Variants in PRPF3 observed in about 807,000 individuals in gnomAD.
PRPF3 encodes the protein U4/U6 small nuclear ribonucleoprotein Prp3.
In PRPF3, 3 loss-of-function variants were observed where a neutral mutation model predicts 89.2. The observed-to-expected ratio is 0.03, with a 90% CI of 0.02 to 0.09. PRPF3 has a LOEUF of 0.09. Among genes scored for constraint, PRPF3 ranks in the 10% least tolerant of loss-of-function variants. The pLI, the probability that PRPF3 is intolerant of heterozygous loss-of-function variation, is 1.00. For synonymous variants in PRPF3, 270 were observed against 289.1 expected, an observed-to-expected ratio of 0.93 and a Z score of 0.67; for missense variants, 463 against 828.8, an observed-to-expected ratio of 0.56 and a Z score of 5.42.
chr1:150,344,310 A>C (rs1399005759), intron 11 of PRPF3, 49 bp downstream of exon 11: 7 of 1,613,718 alleles, frequency 4.3e-6, no homozygotes, highest in Non-Finnish European at 5.9e-6. Flanking sequence ...ACCTTTCCCA[A>C]ACTCTTCTGG....
rs145528866 is a variant in PRPF3 at position 150,332,758 on chromosome 1, T to C, written c.498T>C (p.Pro166=). 2 of 1,613,912 alleles carry C rather than the reference T, an allele frequency of 1.2e-6. No homozygotes were observed. The highest frequency in any genetic ancestry group is 1.7e-6 in the Non-Finnish European group (2 of 1,179,936). ...RKKQLSFISP[P]TPQPKTPSSS... ...AACAGCTGAGCTTCATTAGCCCCCC[T>C]ACACCTCAGGTATTGTGTCTAGATT... The change falls in exon 5 of 16, where the codon CCT becomes CCC. Residue 166 remains proline (P), a synonymous_variant. Transcript: ENST00000324862.
intron 4 of PRPF3, among the ~76,000 whole-genome samples, chr1:150,331,679 G>A (rs1656418073): frequency 6.6e-6 from 1 of 152,046 alleles, no homozygotes; most frequent in Non-Finnish European, 1.5e-5. Context: ...CGTAATTTTT[G>A]AATTTTGAAT....
chr1:150,347,818 C>G (rs1658448647), intron 14 of PRPF3, among the ~76,000 whole-genome samples: 1 of 152,126 alleles, frequency 6.6e-6, no homozygotes, highest in African/African-American at 2.4e-5. Flanking sequence ...CTTAGATTAG[C>G]CTACAGTTGG....
intron 10 of PRPF3, 23 bp from the exon 11 acceptor site, chr1:150,344,135 CTGAT>C (rs1658054262): frequency 7.6e-6 from 12 of 1,589,298 alleles, no homozygotes; most frequent in Non-Finnish European, 1.0e-5. Flanking sequence ...ACTTCAAAGA[CTGAT>C]TGTTGTCCTC....
At chr1:150,348,763 A>G in intron 14 of PRPF3, 2 of 258,394 alleles carry the variant, frequency 7.7e-6, no homozygotes, top group South Asian at 9.1e-5. Context: ...ACGCTGGCCG[A>G]TAATTTTGAT....
rs1323718880 is a variant in PRPF3, at chr1:150,326,581, C to A, written c.276+700C>A. On this transcript the variant is annotated intron_variant, in intron 3 of 15. Coordinates refer to ENST00000324862, the MANE Select transcript of PRPF3 (RefSeq NM_004698.4). ...AAAAAGTTCTGTGACTCCTATCAAA[C>A]CTTCCAAAGTTCTTCTGATACCTTG... Among the ~76,000 whole-genome samples the A allele has an allele frequency of 2.6e-5, 4 of 152,114 alleles. No homozygotes were observed. In the East Asian group the frequency reaches 7.7e-4, roughly 29 times the overall value.
intron 3 of PRPF3, among the ~76,000 whole-genome samples, chr1:150,326,922 G>A (rs1553863962): frequency 1.3e-5 from 2 of 152,004 alleles, no homozygotes; most frequent in African/African-American, 4.8e-5. Flanking sequence ...AATCTAAGTA[G>A]CAGTTTCATG....
At chr1:150,331,291 C>T (rs952551640) in intron 4 of PRPF3, among the ~76,000 whole-genome samples, 3 of 152,100 alleles carry the variant, frequency 2.0e-5, no homozygotes, top group Admixed American at 6.5e-5. Flanking sequence ...CCTGCCTCAG[C>T]CTCCCAAAGT....
chr1:150,334,567 C>T (rs1457947941), intron 6 of PRPF3, among the ~76,000 whole-genome samples: 1 of 151,364 alleles, frequency 6.6e-6, no homozygotes, highest in Admixed American at 6.6e-5. Flanking sequence ...AAGCCATCCA[C>T]CCGCCTCAGC....
rs1185909509 is a variant in PRPF3, at chr1:150,348,460, A to ATTTT, written c.1844-681_1844-678dup. Among the ~76,000 whole-genome samples the ATTTT allele has an allele frequency of 2.9e-4, 14 of 48,462 alleles. 1 individual carries two copies. The South Asian group carries it at 4.8e-3, about 17-fold the overall frequency. 31.8% of individuals were successfully genotyped at this position (48,462 alleles called of 152,430 possible). On this transcript the variant is annotated intron_variant, in intron 14 of 15. Coordinates refer to ENST00000324862, the MANE Select transcript of PRPF3 (RefSeq NM_004698.4). ...AAAAAATATTTTGTTCTACACGTGCATTTTTTTTTTTTTTTTTTTGAGATG... is the reference window on the plus strand; with the variant it reads ...AAAAAATATTTTGTTCTACACGTGCATTTTTTTTTTTTTTTTTTTTTTTGAGATG...
chr1:150,340,467 C>T lies in PRPF3; in HGVS notation c.1272C>T (p.Leu424=), dbSNP rs1363962387. 6.3e-7 allele frequency: 1 copy of T among 1,599,054 alleles called. No individual in the cohort carries two copies. Among genetic ancestry groups the T allele is most frequent in the Non-Finnish European group, 8.6e-7 (1 of 1,166,434 alleles). ...ITNLVEHPAQ[L]NPPVDNDTPV... ...ATCTTGTTGAACATCCAGCCCAGCT[C>T]AATCCTCCAGGTAATGTATAGATTC... is the stretch of plus-strand genomic sequence containing the variant. The change falls in exon 9 of 16, where the codon CTC becomes CTT. Residue 424 remains leucine, a synonymous_variant. Transcript: ENST00000324862.
chr1:150,347,566 C>G (rs1382614358), intron 14 of PRPF3, among the ~76,000 whole-genome samples: 1 of 151,994 alleles, frequency 6.6e-6, no homozygotes, highest in Non-Finnish European at 1.5e-5. Context: ...CCCGTCTCTA[C>G]TGAAAACACA....
At chr1:150,336,558 C>A (rs1246306253) in intron 7 of PRPF3, among the ~76,000 whole-genome samples, 1 of 152,052 alleles carries the variant, frequency 6.6e-6, no homozygotes, top group Non-Finnish European at 1.5e-5. Flanking sequence ...GAGTTCAAGA[C>A]CAGCCTGCCC....
intron 14 of PRPF3, among the ~76,000 whole-genome samples, chr1:150,347,491 G>A (rs1033881764): frequency 1.3e-5 from 2 of 152,094 alleles, no homozygotes; most frequent in Admixed American, 6.6e-5. Context: ...AGCACTTTGG[G>A]AGGCCGAGGC....
intron 2 of PRPF3, 113 bp from the exon 3 acceptor site, chr1:150,325,638 A>C: frequency 7.1e-7 from 1 of 1,411,636 alleles, no homozygotes; most frequent in Non-Finnish European, 9.9e-7. Context: ...AAAAAACTTA[A>C]AATTTGTTTC....
At chr1:150,339,376 CA>C (rs111630557) in intron 8 of PRPF3, among the ~76,000 whole-genome samples, 31,109 of 136,780 alleles carry the variant, frequency 0.23, 3,693 homozygotes, top group African/African-American at 0.3. Context: ...AACTCTGTCT[CA>C]AAAAAAAAAA....
At chr1:150,337,040 C>CTTTTTTTT (rs35026026) in intron 7 of PRPF3, among the ~76,000 whole-genome samples, 6 of 121,268 alleles carry the variant, frequency 4.9e-5, no homozygotes, top group Non-Finnish European at 6.5e-5. Context: ...CATAAAATTC[C>CTTTTTTTT]TTTTTTTTTT....
chr1:150,351,667 ATTTTTTTTT>A (rs10692607), intron 15 of PRPF3, among the ~76,000 whole-genome samples: 3 of 94,442 alleles, frequency 3.2e-5, no homozygotes, highest in Admixed American at 1.3e-4. Context: ...TGCCTGGCTA[ATTTTTTTTT>A]TTTTTTTTTT....
intron 4 of PRPF3, among the ~76,000 whole-genome samples, chr1:150,329,284 C>T (rs1041834720): frequency 2.6e-5 from 4 of 152,122 alleles, no homozygotes; most frequent in South Asian, 2.1e-4. Context: ...CCACCTCAGC[C>T]GCCCAAATGG....
Sources: gnomAD v4.1 joint callset for allele counts (sites outside exome capture counted in the v4.1 genomes callset) on GRCh38, gnomAD v4.1.1 for gene constraint, MANE v1.5 for transcripts, NCBI Gene and HGNC (gene_info 2026-07-23, HGNC 2026-07-21) for gene names.